GPC5: variants seen among roughly 807,000 people sequenced by gnomAD.
The protein encoded by GPC5 is glypican 5.
Under a neutral mutation model 53.9 loss-of-function variants are expected in GPC5, and 47 were observed. That is an observed-to-expected ratio of 0.87 (90% confidence interval 0.69 to 1.11). The LOEUF is 1.11. GPC5 is among the 50% of genes most tolerant of loss of function. The pLI is 0.00. For synonymous variants in GPC5, 286 were observed against 263.3 expected (o/e 1.09, Z -0.84); for missense variants, 748 against 713.1 (o/e 1.05, Z -0.56).
intron 2 of GPC5, among the ~76,000 whole-genome samples, chr13:91,518,215 A>G (rs1390132744): frequency 1.3e-5 from 2 of 152,190 alleles, no homozygotes; most frequent in South Asian, 2.1e-4. Flanking sequence ...AAAGAAAATT[A>G]TTAGGTATTC....
At chr13:92,740,271 T>C (rs1387354274) in intron 7 of GPC5, among the ~76,000 whole-genome samples, 1 of 152,066 alleles carries the variant, frequency 6.6e-6, no homozygotes, top group Non-Finnish European at 1.5e-5. Context: ...CTTACATAAA[T>C]GAAGCACCAT....
intron 3 of GPC5, among the ~76,000 whole-genome samples, chr13:91,695,130 T>C (rs2035852237): frequency 6.6e-6 from 1 of 152,154 alleles, no homozygotes; most frequent in Admixed American, 6.5e-5. Context: ...GGGCTGAAAT[T>C]TAACTCCCTG....
intron 6 of GPC5, among the ~76,000 whole-genome samples, chr13:91,987,840 A>G (rs1327698626): frequency 3.4e-5 from 5 of 145,492 alleles, no homozygotes; most frequent in African/African-American, 1.2e-4. Context: ...ATATAAATAT[A>G]CTATATATAA....
intron 2 of GPC5, among the ~76,000 whole-genome samples, chr13:91,563,069 A>G (rs1170379223): frequency 6.6e-6 from 1 of 152,184 alleles, no homozygotes; most frequent in Non-Finnish European, 1.5e-5. Context: ...GGCACAAAAC[A>G]ATAATAGCTA....
intron 5 of GPC5, among the ~76,000 whole-genome samples, chr13:91,895,890 C>T (rs1435775570): frequency 6.6e-6 from 1 of 152,062 alleles, no homozygotes; most frequent in Non-Finnish European, 1.5e-5. Context: ...TAAAACCAAG[C>T]TCCCTCTAAT....
At chr13:91,422,502 A>T (rs1023135983) in intron 1 of GPC5, among the ~76,000 whole-genome samples, 1 of 152,060 alleles carries the variant, frequency 6.6e-6, no homozygotes, top group Admixed American at 6.6e-5. Flanking sequence ...CAGGCATGGT[A>T]GTAGGTGCCT....
chr13:92,334,174 A>T (rs2043306771), intron 7 of GPC5, among the ~76,000 whole-genome samples: 1 of 152,180 alleles, frequency 6.6e-6, no homozygotes, highest in Admixed American at 6.5e-5. Context: ...AAGGAAAAAG[A>T]GGTTTAATGG....
intron 2 of GPC5, among the ~76,000 whole-genome samples, chr13:91,480,125 A>G (rs1883221053): frequency 6.6e-6 from 1 of 152,196 alleles, no homozygotes. Context: ...ATCATTGGAA[A>G]TTTTTGAATA....
chr13:92,589,209 A>C (rs1299383907), intron 7 of GPC5, among the ~76,000 whole-genome samples: 11 of 152,206 alleles, frequency 7.2e-5, no homozygotes, highest in Admixed American at 6.5e-4. Flanking sequence ...AACACTAGAA[A>C]GATTTCCATC....
chr13:91,619,292 T>C (rs2033787118), intron 2 of GPC5, among the ~76,000 whole-genome samples: 1 of 152,104 alleles, frequency 6.6e-6, no homozygotes, highest in Non-Finnish European at 1.5e-5. Flanking sequence ...TTTGAAAACA[T>C]GTCCAAGACC....
intron 4 of GPC5, among the ~76,000 whole-genome samples, chr13:91,744,513 A>G (rs531569031): frequency 2.0e-5 from 3 of 152,210 alleles, no homozygotes; most frequent in Admixed American, 6.6e-5. Flanking sequence ...AAATGCAAGC[A>G]TGAACAATTT....
intron 6 of GPC5, among the ~76,000 whole-genome samples, chr13:92,018,110 G>T (rs2040725009): frequency 6.6e-6 from 1 of 152,016 alleles, no homozygotes; most frequent in African/African-American, 2.4e-5. Flanking sequence ...CAAATTCTCA[G>T]AATTGCCAAA....
chr13:91,563,098 A>T (rs922846011), intron 2 of GPC5, among the ~76,000 whole-genome samples: 1 of 152,286 alleles, frequency 6.6e-6, no homozygotes, highest in Admixed American at 6.5e-5. Flanking sequence ...TTCTATTGTC[A>T]AGTTCTGTTA....
chr13:92,079,342 G>T (rs1237072929), intron 6 of GPC5, among the ~76,000 whole-genome samples: 1 of 152,132 alleles, frequency 6.6e-6, no homozygotes, highest in Non-Finnish European at 1.5e-5. Context: ...AAGCCACCAT[G>T]CCCAGCCAGG....
rs541019606 is a variant in GPC5 at position 91,584,859 on chromosome 13, A to T, written c.326-108328A>T. On this transcript the variant is annotated intron_variant, in intron 2 of 7. Transcript: ENST00000377067. ...CTCCCAAAGTGCTGGGATTACAGGC[A>T]TGAGCCACTGTGCCAGGCCCAAAAC... is the stretch of plus-strand genomic sequence containing the variant. Among the ~76,000 whole-genome samples the T allele has an allele frequency of 3.3e-5, 5 of 152,318 alleles. No individual in the cohort carries two copies. The South Asian group carries it at 6.2e-4, about 19-fold the overall frequency.
chr13:92,401,185 T>G (rs940487779), intron 7 of GPC5, among the ~76,000 whole-genome samples: 1 of 151,958 alleles, frequency 6.6e-6, no homozygotes, highest in African/African-American at 2.4e-5. Context: ...CTATTTTTTT[T>G]TTTTTTAGGA....
At chr13:92,720,844 A>G (rs984107935) in intron 7 of GPC5, among the ~76,000 whole-genome samples, 2 of 152,136 alleles carry the variant, frequency 1.3e-5, no homozygotes, top group African/African-American at 4.8e-5. Flanking sequence ...TTGCAATAAA[A>G]TCAAGAATCA....
At chr13:92,524,534 G>A (rs1026345802) in intron 7 of GPC5, among the ~76,000 whole-genome samples, 1 of 152,140 alleles carries the variant, frequency 6.6e-6, no homozygotes, top group African/African-American at 2.4e-5. Context: ...ACTGATTTAT[G>A]CACTCATATT....
intron 6 of GPC5, among the ~76,000 whole-genome samples, chr13:92,096,132 A>G (rs2138904372): frequency 6.6e-6 from 1 of 152,324 alleles, no homozygotes; most frequent in Admixed American, 6.5e-5. Context: ...TTGGAAAAGC[A>G]AAATTTCATT....
Sources: allele counts gnomAD v4.1 joint callset (sites outside exome capture counted in the v4.1 genomes callset), GRCh38; gene constraint gnomAD v4.1.1; transcripts MANE v1.5; gene names NCBI Gene and HGNC (gene_info 2026-07-23, HGNC 2026-07-21).